The following NRXN3 variants were observed in gnomAD, a reference collection of about 807,000 sequenced individuals.
The protein encoded by NRXN3 is neurexin 3, also known as neurexin III.
NRXN3 carries 32 observed loss-of-function variants against 137.6 expected under a neutral mutation model. The ratio of observed to expected loss-of-function variants is 0.23; its 90% CI spans 0.18 to 0.31. The LOEUF (loss-of-function observed/expected upper bound fraction) is 0.31, where lower values mean the gene tolerates loss of function less well. Ranked by LOEUF, NRXN3 falls within the 10% of genes least tolerant of loss-of-function variation. The probability of loss-of-function intolerance (pLI) is 1.00; values close to 1 mark genes in which losing one functional copy is unlikely to be tolerated. For missense variants in NRXN3, 1,574 were observed against 2,062.5 expected (o/e 0.76, Z 4.59); for synonymous variants, 798 against 784.5 (o/e 1.02, Z -0.29).
intron 19 of NRXN3, among the ~76,000 whole-genome samples, chr14:79,796,578 A>T (rs1568282534): frequency 6.6e-6 from 1 of 152,132 alleles, no homozygotes; most frequent in Non-Finnish European, 1.5e-5. Context: ...ATCCTAGAAG[A>T]CCTCAAGGGT....
intron 4 of NRXN3, among the ~76,000 whole-genome samples, chr14:78,424,314 A>G (rs1333129449): frequency 1.3e-5 from 2 of 152,126 alleles, no homozygotes; most frequent in Admixed American, 6.6e-5. Context: ...TTTGCATCCA[A>G]TGCCTGTCCT....
intron 15 of NRXN3, among the ~76,000 whole-genome samples, chr14:79,241,536 A>G (rs2074294096): frequency 6.6e-6 from 1 of 152,128 alleles, no homozygotes; most frequent in Non-Finnish European, 1.5e-5. Context: ...CACTACCACG[A>G]GAACAGTATG....
At chr14:78,461,189 G>T (rs144430381) in intron 4 of NRXN3, among the ~76,000 whole-genome samples, 2 of 152,314 alleles carry the variant, frequency 1.3e-5, no homozygotes, top group East Asian at 3.9e-4. Context: ...GCATGTGTTC[G>T]CATGCAACTG....
chr14:79,435,046 C>T (rs780343833), intron 15 of NRXN3, among the ~76,000 whole-genome samples: 1 of 152,140 alleles, frequency 6.6e-6, no homozygotes, highest in Non-Finnish European at 1.5e-5. Context: ...AGTAGCACAT[C>T]CACTGCAACT....
chr14:79,363,724 G>A (rs74811276), intron 15 of NRXN3, among the ~76,000 whole-genome samples: 7,124 of 152,276 alleles, frequency 0.047, 234 homozygotes, highest in Non-Finnish European at 0.07. Flanking sequence ...CAGATTGGAA[G>A]AATGATATTT....
At chr14:78,244,803 A>G (rs1438216884) in intron 2 of NRXN3, among the ~76,000 whole-genome samples, 4 of 152,198 alleles carry the variant, frequency 2.6e-5, no homozygotes, top group Non-Finnish European at 4.4e-5. Context: ...AGTGTTGTTC[A>G]GCCAAGCCTC....
intron 15 of NRXN3, among the ~76,000 whole-genome samples, chr14:79,349,480 T>C (rs1441608115): frequency 1.3e-5 from 2 of 151,548 alleles, no homozygotes; most frequent in Non-Finnish European, 2.9e-5. Flanking sequence ...AGGTTTTTTA[T>C]TCTGAAAGCC....
rs184208382 is a variant in NRXN3 at position 79,130,998 on chromosome 14, C to T, written c.3262+142857C>T. Among the ~76,000 whole-genome samples, 10 of 152,320 alleles carry T rather than the reference C, an allele frequency of 6.6e-5. No individual in the cohort carries two copies. In the East Asian group the frequency reaches 1.2e-3, roughly 18 times the overall value. On this transcript the variant is annotated intron_variant, in intron 15 of 20. Transcript: ENST00000335750. ...GCTCCTGAGGCTTCTGCATTCTTCA[C>T]GTAGTTCTCGAGCCTTGGCTTTCAG... is the stretch of plus-strand genomic sequence containing the variant.
At chr14:79,819,814 C>T (rs1445680332) in intron 20 of NRXN3, among the ~76,000 whole-genome samples, 4 of 152,022 alleles carry the variant, frequency 2.6e-5, no homozygotes, top group African/African-American at 4.8e-5. Flanking sequence ...CATTTCCCAC[C>T]TTTGTTTTAG....
At chr14:79,858,656 C>T (rs1400024970) in intron 20 of NRXN3, among the ~76,000 whole-genome samples, 1 of 152,076 alleles carries the variant, frequency 6.6e-6, no homozygotes, top group Non-Finnish European at 1.5e-5. Flanking sequence ...AAAAATCCTG[C>T]CTTGTCCTCT....
intron 19 of NRXN3, among the ~76,000 whole-genome samples, chr14:79,747,328 T>C (rs893851505): frequency 3.9e-5 from 6 of 152,008 alleles, no homozygotes; most frequent in Non-Finnish European, 8.8e-5. Context: ...GGTGACATGA[T>C]AAAATTTCAT....
At chr14:78,295,553 G>C (rs1349531989) in intron 3 of NRXN3, among the ~76,000 whole-genome samples, 1 of 152,092 alleles carries the variant, frequency 6.6e-6, no homozygotes, top group African/African-American at 2.4e-5. Context: ...TTTATTATAT[G>C]ATTTAATTTA....
At chr14:79,452,558 A>G (rs1157323123) in intron 15 of NRXN3, among the ~76,000 whole-genome samples, 2 of 152,192 alleles carry the variant, frequency 1.3e-5, no homozygotes, top group Non-Finnish European at 2.9e-5. Context: ...GCCTTATTCC[A>G]GGGCCTGATG....
chr14:79,408,864 T>C (rs748852398), intron 15 of NRXN3, among the ~76,000 whole-genome samples: 6 of 152,108 alleles, frequency 3.9e-5, no homozygotes, highest in Admixed American at 6.6e-5. Context: ...AGTCAAACTT[T>C]CTTTGTTCCT....
chr14:79,544,987 G>C (rs1402118312), intron 16 of NRXN3, among the ~76,000 whole-genome samples: 3 of 152,170 alleles, frequency 2.0e-5, no homozygotes, highest in Non-Finnish European at 2.9e-5. Flanking sequence ...TCTTCTACAA[G>C]TAAGTCTTAC....
At chr14:78,297,987 C>G (rs916861840) in intron 4 of NRXN3, 127 bp downstream of exon 4, 60 of 1,137,648 alleles carry the variant, frequency 5.3e-5, no homozygotes, top group Non-Finnish European at 6.8e-5. Context: ...CTGGGCCAGG[C>G]TGGCTGCAGG....
chr14:79,848,813 A>G (rs766881988), intron 20 of NRXN3, among the ~76,000 whole-genome samples: 21 of 152,086 alleles, frequency 1.4e-4, no homozygotes, highest in Non-Finnish European at 2.2e-4. Context: ...AATGGCATCT[A>G]TATGATGATA....
intron 15 of NRXN3, among the ~76,000 whole-genome samples, chr14:78,994,533 T>TTGAGG (rs375120477): frequency 9.8e-5 from 15 of 152,330 alleles, no homozygotes; most frequent in Non-Finnish European, 1.9e-4. Context: ...ATTTATTTCA[T>TTGAGG]TGAGTCGTTG....
intron 4 of NRXN3, among the ~76,000 whole-genome samples, chr14:78,359,478 C>CA (rs535249566): frequency 6.6e-6 from 1 of 152,306 alleles, no homozygotes; most frequent in East Asian, 1.9e-4. Context: ...AATTTTCCAA[C>CA]AAAGGATTAC....
Sources: gnomAD v4.1 joint callset for allele counts (sites outside exome capture counted in the v4.1 genomes callset) on GRCh38, gnomAD v4.1.1 for gene constraint, MANE v1.5 for transcripts, NCBI Gene and HGNC (gene_info 2026-07-23, HGNC 2026-07-21) for gene names.